Variants in PRKG1 observed in about 807,000 individuals in gnomAD.
PRKG1 encodes protein kinase cGMP-dependent 1.
Under a neutral mutation model 88.1 loss-of-function variants are expected in PRKG1, and 35 were observed. That is an observed-to-expected ratio of 0.40 (90% CI 0.30 to 0.53). PRKG1 has a LOEUF of 0.53. PRKG1 is among the 20% of genes least tolerant of loss of function. The pLI is 0.59. For synonymous variants in PRKG1, 303 were observed against 292.5 expected, an observed-to-expected ratio of 1.04 and a Z score of -0.37; for missense variants, 540 against 839.8, an observed-to-expected ratio of 0.64 and a Z score of 4.41.
At chr10:51,094,167 T>C (rs1172156507) in intron 1 of PRKG1, among the ~76,000 whole-genome samples, 2 of 151,938 alleles carry the variant, frequency 1.3e-5, no homozygotes, top group Admixed American at 6.6e-5. Flanking sequence ...GAGACTAGCA[T>C]AGTATCTAGG....
chr10:51,961,898 A>T (rs1843456515), intron 5 of PRKG1, among the ~76,000 whole-genome samples: 2 of 152,190 alleles, frequency 1.3e-5, no homozygotes, highest in South Asian at 4.1e-4. Context: ...CTGATCTGTG[A>T]TATCCACGTC....
At chr10:52,091,671 G>GT (rs549444363) in intron 7 of PRKG1, among the ~76,000 whole-genome samples, 16 of 152,182 alleles carry the variant, frequency 1.1e-4, no homozygotes, top group Non-Finnish European at 2.2e-4. Flanking sequence ...GGGTTAAACA[G>GT]TCTTGGGTTG....
At chr10:51,388,141 A>G (rs1232902493) in intron 2 of PRKG1, among the ~76,000 whole-genome samples, 3 of 152,212 alleles carry the variant, frequency 2.0e-5, no homozygotes, top group Non-Finnish European at 4.4e-5. Context: ...CAAGCCATAT[A>G]TAAGACCGTT....
chr10:51,210,357 A>G (rs1024209038), intron 2 of PRKG1, among the ~76,000 whole-genome samples: 1 of 152,202 alleles, frequency 6.6e-6, no homozygotes, highest in Non-Finnish European at 1.5e-5. Context: ...CCCACAAGAG[A>G]AAGCAGGAAA....
In PRKG1 at chr10:51,724,850, T is replaced by A. The variant is rs564919882; in HGVS notation, c.593-79735T>A. 4.0e-5 allele frequency among the ~76,000 whole-genome samples: 6 copies of A among 150,048 alleles called. No individual in the cohort carries two copies. In the South Asian group the frequency reaches 1.3e-3, roughly 32 times the overall value. ...CTGGAACTACAGGTGAGTGCTACCA[T>A]GCCTGGCTAATTTTTGTACTTTTTT... On this transcript the variant is annotated intron_variant, in intron 3 of 17. Transcript: ENST00000373980.
intron 8 of PRKG1, among the ~76,000 whole-genome samples, chr10:52,142,784 C>T (rs1837617929): frequency 6.6e-6 from 1 of 152,138 alleles, no homozygotes; most frequent in African/African-American, 2.4e-5. Flanking sequence ...CTTTGGTTCG[C>T]CTGTTGATTT....
chr10:52,219,314 T>C (rs1840187716), intron 9 of PRKG1, among the ~76,000 whole-genome samples: 2 of 152,212 alleles, frequency 1.3e-5, no homozygotes, highest in African/African-American at 4.8e-5. Flanking sequence ...AATGTAATTA[T>C]AGTGTATTTT....
chr10:51,555,180 C>T (rs1243494000), intron 3 of PRKG1, among the ~76,000 whole-genome samples: 3 of 151,814 alleles, frequency 2.0e-5, no homozygotes, highest in Non-Finnish European at 4.4e-5. Context: ...TCTCCAGTTC[C>T]AAGTGCTGAG....
At chr10:51,391,398 G>A (rs1308275450) in intron 2 of PRKG1, among the ~76,000 whole-genome samples, 9 of 152,170 alleles carry the variant, frequency 5.9e-5, no homozygotes, top group Non-Finnish European at 2.9e-5. Context: ...GAAGAGTACT[G>A]GTGGAATCTT....
At chr10:51,058,310 A>G (rs551241403) in intron 1 of PRKG1, among the ~76,000 whole-genome samples, 40 of 152,228 alleles carry the variant, frequency 2.6e-4, no homozygotes, top group African/African-American at 9.6e-4. Flanking sequence ...ATTTGACTGT[A>G]GTAATTATGC....
intron 4 of PRKG1, among the ~76,000 whole-genome samples, chr10:51,825,107 G>A (rs892108785): frequency 6.6e-6 from 1 of 152,100 alleles, no homozygotes; most frequent in East Asian, 1.9e-4. Flanking sequence ...CAGAAATACT[G>A]ACTTACTCTG....
intron 3 of PRKG1, among the ~76,000 whole-genome samples, chr10:51,535,001 A>T (rs1001566778): frequency 6.6e-5 from 10 of 152,328 alleles, no homozygotes; most frequent in Middle Eastern, 3.4e-3. Flanking sequence ...TTAAAAAATA[A>T]TTGATGTACC....
intron 3 of PRKG1, among the ~76,000 whole-genome samples, chr10:51,617,497 T>C (rs916300867): frequency 7.9e-5 from 12 of 152,150 alleles, no homozygotes; most frequent in Non-Finnish European, 1.6e-4. Context: ...CTGGCTTTCC[T>C]AGCCCACCAC....
chr10:51,616,527 G>A (rs978832033), intron 3 of PRKG1, among the ~76,000 whole-genome samples: 6 of 152,132 alleles, frequency 3.9e-5, no homozygotes, highest in Admixed American at 3.9e-4. Context: ...AGCAGGGTGG[G>A]TAGGCTCAAT....
chr10:51,270,276 G>T (rs140041997), intron 2 of PRKG1, among the ~76,000 whole-genome samples: 8 of 152,244 alleles, frequency 5.3e-5, no homozygotes, highest in African/African-American at 1.9e-4. Context: ...TGATTTGTTA[G>T]CCTATTTAAT....
At chr10:51,853,028 G>A (rs1840596996) in intron 4 of PRKG1, among the ~76,000 whole-genome samples, 1 of 152,034 alleles carries the variant, frequency 6.6e-6, no homozygotes, top group South Asian at 2.1e-4. Context: ...TCAAACTGGT[G>A]TACACATATA....
chr10:51,381,928 C>G (rs1012015992), intron 2 of PRKG1, among the ~76,000 whole-genome samples: 1 of 152,180 alleles, frequency 6.6e-6, no homozygotes, highest in Non-Finnish European at 1.5e-5. Context: ...AAAGTACCTC[C>G]CTTTCTGGAA....
chr10:51,838,280 T>A (rs1055327195), intron 4 of PRKG1, among the ~76,000 whole-genome samples: 10 of 152,204 alleles, frequency 6.6e-5, no homozygotes, highest in Admixed American at 6.5e-4. Context: ...ATCCAAGAGT[T>A]ATTTGTGGTT....
chr10:51,676,945 A>T (rs1258738630), intron 3 of PRKG1, among the ~76,000 whole-genome samples: 3 of 152,194 alleles, frequency 2.0e-5, no homozygotes, highest in Non-Finnish European at 4.4e-5. Flanking sequence ...ACAAATCATA[A>T]GTGTACAGCT....
Sources: gnomAD v4.1 joint callset for allele counts (sites outside exome capture counted in the v4.1 genomes callset) on GRCh38, gnomAD v4.1.1 for gene constraint, MANE v1.5 for transcripts, NCBI Gene and HGNC (gene_info 2026-07-23, HGNC 2026-07-21) for gene names.